Variants in RECQL observed in about 807,000 individuals in gnomAD.
RECQL encodes RecQ like helicase.
RECQL carries 73 observed loss-of-function variants against 75.8 expected under a neutral mutation model. The ratio of observed to expected loss-of-function variants is 0.96; its 90% confidence interval spans 0.80 to 1.17. The LOEUF (loss-of-function observed/expected upper bound fraction) is 1.17, where lower values mean the gene tolerates loss of function less well. Among genes scored for constraint, RECQL ranks in the 50% most tolerant of loss-of-function variants. The pLI, the probability that RECQL is intolerant of heterozygous loss-of-function variation, is 0.00. For missense variants in RECQL, 699 were observed against 772.1 expected (o/e 0.91, Z 1.12); for synonymous variants, 248 against 254.4 (o/e 0.97, Z 0.24).
chr12:21,488,243 TC>T lies in RECQL; in HGVS notation c.395-1659del, dbSNP rs1332358472. ...GCTAACAGACATCACTATTAACTACTCCCTCATTCAAACACACCCTTCCCTA... is the reference window on the plus strand; with the variant it reads ...GCTAACAGACATCACTATTAACTACTCCTCATTCAAACACACCCTTCCCTA... On this transcript the variant is annotated intron_variant, in intron 4 of 14. Transcript: ENST00000444129. 2.6e-5 allele frequency among the ~76,000 whole-genome samples: 4 copies of T among 152,108 alleles called. No individual in the cohort carries two copies. The South Asian group carries it at 6.2e-4, about 24-fold the overall frequency.
In RECQL at chr12:21,475,790, T is replaced by C. The variant is rs766035660; in HGVS notation, c.984A>G (p.Glu328=). ...IIYCFSQKDS[E]QVTVSLQNLG... is the part of the protein sequence containing the mutation. ...GATTCTGCAAACTAACCGTAACTTGTTCAGAGTCTTTCTGAGAAAAACAAT... is the reference window on the plus strand; with the variant it reads ...GATTCTGCAAACTAACCGTAACTTGCTCAGAGTCTTTCTGAGAAAAACAAT... The change falls in exon 9 of 15, where the codon GAA becomes GAG. Residue 328 remains glutamate (E), a synonymous_variant. Transcript: ENST00000444129. 1.1e-5 allele frequency: 17 copies of C among 1,612,886 alleles called. No homozygotes were observed. The highest frequency in any genetic ancestry group is 1.4e-5 in the Non-Finnish European group (17 of 1,179,250).
chr12:21,469,217 C>T lies in RECQL; in HGVS notation c.*977G>A, dbSNP rs767888250. 1.6e-4 allele frequency: 26 copies of T among 157,710 alleles called. No homozygotes were observed. The highest frequency in any genetic ancestry group is 3.6e-4 in the Non-Finnish European group (26 of 71,812). 9.8% of individuals were successfully genotyped at this position (157,710 alleles called of 1,614,324 possible). A position where few individuals can be genotyped will look rare whatever the true frequency, so the allele number is the denominator to read the frequency against. ...TGCTAATATTTATATTGATGACTTA[C>T]TCCTTTTTTGTTGAATTGTACTTCT... On this transcript the variant is annotated 3_prime_UTR_variant, in exon 15 of 15. Coordinates refer to ENST00000444129, the MANE Select transcript of RECQL (RefSeq NM_002907.4).
intron 8 of RECQL, 134 bp from the exon 9 acceptor site, chr12:21,475,958 T>G: frequency 4.5e-5 from 31 of 681,944 alleles, no homozygotes; most frequent in Non-Finnish European, 5.9e-5. Context: ...TTTCAAGGCC[T>G]TGTGCATATA....
At chr12:21,487,855 C>T (rs576432436) in intron 4 of RECQL, among the ~76,000 whole-genome samples, 195 of 151,910 alleles carry the variant, frequency 1.3e-3, no homozygotes, top group Non-Finnish European at 2.0e-3. Flanking sequence ...ATGAGAAACA[C>T]CCCCTCTCTA....
Position 21,476,969 on chromosome 12 carries a change from A to C in RECQL, c.891T>G (p.Thr297=), listed in dbSNP as rs1334402057. The change falls in exon 8 of 15, where the codon ACT becomes ACG. Residue 297 remains threonine (T), a synonymous_variant. Transcript: ENST00000444129. The part of the protein sequence containing the change: ...YYEVRQKPSN[T]EDFIEDIVKL... The stretch of plus-strand genomic sequence containing the variant: ...TTACAATATCCTCAATAAAATCTTC[A>C]GTGTTTGAGGGCTTCTGCCGAACCT... 1 of 1,609,964 alleles carries C rather than the reference A, an allele frequency of 6.2e-7. No homozygotes were observed. The highest frequency in any genetic ancestry group is 1.7e-5 in the Admixed American group (1 of 59,510).
intron 7 of RECQL, among the ~76,000 whole-genome samples, chr12:21,477,484 G>T (rs1300617723): frequency 6.6e-6 from 1 of 152,048 alleles, no homozygotes; most frequent in Non-Finnish European, 1.5e-5. Flanking sequence ...TGTTATTAGG[G>T]TCCTTAGTAT....
chr12:21,495,635 T>C (rs1040129410), intron 2 of RECQL, among the ~76,000 whole-genome samples: 2 of 152,038 alleles, frequency 1.3e-5, no homozygotes, highest in African/African-American at 4.8e-5. Flanking sequence ...TCTCAGAAAC[T>C]ACTGGACATT....
chr12:21,478,108 G>T, intron 6 of RECQL, 139 bp from the exon 7 acceptor site: 1 of 723,440 alleles, frequency 1.4e-6, no homozygotes, highest in Non-Finnish European at 2.1e-6. Context: ...TTGCAGTTCT[G>T]TGTTAGCCTC....
At chr12:21,471,882 A>G (rs1009356497) in intron 12 of RECQL, among the ~76,000 whole-genome samples, 23 of 152,004 alleles carry the variant, frequency 1.5e-4, no homozygotes, top group Non-Finnish European at 3.1e-4. Flanking sequence ...ATAAAAAAAA[A>G]TTGGTTATCA....
At chr12:21,486,077 CA>C (rs1943290230) in intron 5 of RECQL, among the ~76,000 whole-genome samples, 2 of 152,064 alleles carry the variant, frequency 1.3e-5, no homozygotes, top group South Asian at 4.1e-4. Context: ...AAGTATCAGA[CA>C]AAAATATTAG....
At chr12:21,478,224 CAAAAGAT>C (rs1256945581) in intron 6 of RECQL, among the ~76,000 whole-genome samples, 3 of 152,108 alleles carry the variant, frequency 2.0e-5, no homozygotes, top group African/African-American at 7.2e-5. Context: ...TTACAACTAA[CAAAAGAT>C]AAAACAGGCC....
intron 5 of RECQL, among the ~76,000 whole-genome samples, chr12:21,484,260 G>A (rs887527701): frequency 3.9e-5 from 6 of 152,040 alleles, no homozygotes; most frequent in African/African-American, 1.4e-4. Context: ...GAAAGAGACA[G>A]TCAAACTACT....
In RECQL at chr12:21,499,618, AAAAAT is replaced by A; in HGVS notation, c.-45-8_-45-4del. The A allele has an allele frequency of 6.6e-7, 1 of 1,518,138 alleles. No individual in the cohort carries two copies. The highest frequency in any genetic ancestry group is 1.2e-5 in the South Asian group (1 of 84,380). The allele number at this position is 1,518,138 out of a possible 1,614,324, so 94.0% of individuals were successfully genotyped here. ...TCTAAAATAATCCAAATTTCTTTCTAAAAATAAAAGCACAACAGTGACAACAAGTT... is the reference window on the plus strand; with the variant it reads ...TCTAAAATAATCCAAATTTCTTTCTAAAAAGCACAACAGTGACAACAAGTT... On this transcript the variant is annotated splice_polypyrimidine_tract_variant and splice_region_variant and intron_variant, in intron 1 of 14. Coordinates refer to ENST00000444129, the MANE Select transcript of RECQL (RefSeq NM_002907.4).
intron 6 of RECQL, 106 bp from the exon 7 acceptor site, chr12:21,478,075 C>T (rs1591976632): frequency 6.2e-6 from 7 of 1,129,334 alleles, no homozygotes; most frequent in East Asian, 5.0e-5. Context: ...ATTTTGTTTC[C>T]ACAGCCATCT....
chr12:21,475,473 C>T lies in RECQL; in HGVS notation c.1211G>A (p.Arg404His), dbSNP rs770588203. ...TGGATTTGAGTCCTACATACCTGCA[C>T]GTCCACTCTCTTGGTAATAATTTTC... ...SMENYYQESG[R>H]AGRDDMKADC... Residue 404 changes from arginine to histidine, a missense_variant, in exon 10 of 15, where the codon CGT (arginine) becomes CAT (histidine). Physicochemically the swap from Arg to His is conservative, Grantham distance 29. Coordinates refer to ENST00000444129, the MANE Select transcript of RECQL (RefSeq NM_002907.4). 16 of 1,599,214 alleles carry T rather than the reference C, an allele frequency of 1.0e-5. No homozygotes were observed. The highest frequency in any genetic ancestry group is 2.2e-5 in the East Asian group (1 of 44,760).
chr12:21,478,818 T>C lies in RECQL; in HGVS notation c.701-849A>G, dbSNP rs557363339. Among the ~76,000 whole-genome samples the C allele has an allele frequency of 5.3e-5, 8 of 152,308 alleles. No individual in the cohort carries two copies. The South Asian group carries it at 1.7e-3, about 32-fold the overall frequency. On this transcript the variant is annotated intron_variant, in intron 6 of 14. Transcript: ENST00000444129. ...ACCAGCTAACATCACTCCTTCAAGG[T>C]CTTTACACGCAGAGAGGATGATGGA...
chr12:21,499,605 C>A lies in RECQL; in HGVS notation c.-35G>T, dbSNP rs201223770. ...TTCCAAATTTGTTTCTAAAATAATC[C>A]AAATTTCTTTCTAAAAATAAAAGCA... On this transcript the variant is annotated 5_prime_UTR_variant, in exon 2 of 15. Coordinates refer to ENST00000444129, the MANE Select transcript of RECQL (RefSeq NM_002907.4). 506 of 1,561,322 alleles carry A rather than the reference C, an allele frequency of 3.2e-4. 6 individuals are homozygous for A. In the African/African-American group the frequency reaches 6.4e-3, roughly 20 times the overall value.
chr12:21,475,922 A>G (rs1943079550), intron 8 of RECQL, 98 bp from the exon 9 acceptor site: 1 of 952,504 alleles, frequency 1.0e-6, no homozygotes, highest in Admixed American at 2.6e-5. Flanking sequence ...TACAATGCAC[A>G]GAAGGAAAAA....
chr12:21,476,030 G>A (rs1282526152), intron 8 of RECQL, among the ~76,000 whole-genome samples: 2 of 151,974 alleles, frequency 1.3e-5, no homozygotes, highest in Non-Finnish European at 2.9e-5. Flanking sequence ...AAATGAGCCT[G>A]AGCCATCAGT....
Sources: gnomAD v4.1 joint callset for allele counts (sites outside exome capture counted in the v4.1 genomes callset) on GRCh38, gnomAD v4.1.1 for gene constraint, MANE v1.5 for transcripts, NCBI Gene and HGNC (gene_info 2026-07-23, HGNC 2026-07-21) for gene names.